Variants in EYA1 observed in about 807,000 individuals in gnomAD.
EYA1 encodes protein phosphatase EYA1.
EYA1 carries 16 observed loss-of-function variants against 82.0 expected under a neutral mutation model. The ratio of observed to expected loss-of-function variants is 0.20; its 90% confidence interval spans 0.13 to 0.30. The LOEUF is 0.30. Among genes scored for constraint, EYA1 ranks in the 10% least tolerant of loss-of-function variants. EYA1 has a pLI of 1.00. For missense variants in EYA1, 633 were observed against 730.7 expected, an observed-to-expected ratio of 0.87 and a Z score of 1.54; for synonymous variants, 261 against 264.4, an observed-to-expected ratio of 0.99 and a Z score of 0.12.
chr8:71,244,635 C>T lies in EYA1; in HGVS notation c.1108G>A (p.Ala370Thr). Residue 370 changes from alanine to threonine, a missense_variant, in exon 12 of 18, where the codon GCA (alanine) becomes ACA (threonine). Transcript: ENST00000340726. ...TCATTAAAAAATAAATGTGTGTCTG[C>T]CAAGTTGAAAATCATTTCTTCCATT... is the stretch of plus-strand genomic sequence containing the variant. ...LRMEEMIFNL[A>T]DTHLFFNDLE... is the part of the protein sequence containing the mutation. 1 of 1,608,968 alleles carries T rather than the reference C, an allele frequency of 6.2e-7. No individual in the cohort carries two copies. The highest frequency in any genetic ancestry group is 8.5e-7 in the Non-Finnish European group (1 of 1,175,944).
intron 2 of EYA1, among the ~76,000 whole-genome samples, chr8:71,442,789 A>G (rs529614697): frequency 1.3e-5 from 2 of 152,352 alleles, no homozygotes; most frequent in South Asian, 4.1e-4. Flanking sequence ...CCAAAATCAC[A>G]GAGTTAATAC....
At chr8:71,343,589 T>C (rs79695824) in intron 3 of EYA1, among the ~76,000 whole-genome samples, 2,502 of 152,246 alleles carry the variant, frequency 0.016, 65 homozygotes, top group African/African-American at 0.056. Context: ...TGGAACTCTA[T>C]AGAGAGTCCC....
intron 12 of EYA1, among the ~76,000 whole-genome samples, chr8:71,233,294 G>T (rs913454562): frequency 1.3e-5 from 2 of 152,038 alleles, no homozygotes; most frequent in East Asian, 3.9e-4. Context: ...GCCGGGTGCG[G>T]TGGCTCATGC....
At chr8:71,351,796 G>A (rs575676451) in intron 3 of EYA1, among the ~76,000 whole-genome samples, 146 of 152,296 alleles carry the variant, frequency 9.6e-4, no homozygotes, top group African/African-American at 3.4e-3. Context: ...TTCTTCAGAT[G>A]AAGTTATGGT....
chr8:71,359,160 T>C (rs1350783539), intron 1 of EYA1, among the ~76,000 whole-genome samples: 1 of 152,198 alleles, frequency 6.6e-6, no homozygotes, highest in Non-Finnish European at 1.5e-5. Flanking sequence ...CAGAACTTCT[T>C]AGAATTCAAA....
intron 2 of EYA1, among the ~76,000 whole-genome samples, chr8:71,483,831 T>C (rs2129215137): frequency 6.6e-6 from 1 of 152,258 alleles, no homozygotes; most frequent in South Asian, 2.1e-4. Flanking sequence ...TCCTTCCGGC[T>C]GAGGAAATGA....
chr8:71,378,454 A>G (rs1828502754), intron 2 of EYA1, among the ~76,000 whole-genome samples: 1 of 152,186 alleles, frequency 6.6e-6, no homozygotes, highest in African/African-American at 2.4e-5. Flanking sequence ...AATGTAGAAT[A>G]TATAAACCAA....
chr8:71,204,607 G>T (rs1367290978), intron 17 of EYA1, among the ~76,000 whole-genome samples: 2 of 152,174 alleles, frequency 1.3e-5, no homozygotes, highest in African/African-American at 4.8e-5. Flanking sequence ...CATTAGAGAT[G>T]CAAAGCTTCA....
chr8:71,370,021 C>T (rs185835817), intron 2 of EYA1, among the ~76,000 whole-genome samples: 1 of 151,786 alleles, frequency 6.6e-6, no homozygotes, highest in African/African-American at 2.4e-5. Context: ...AGAATTAGAA[C>T]AATTCAGTTT....
intron 2 of EYA1, among the ~76,000 whole-genome samples, chr8:71,517,142 C>CT (rs1425177519): frequency 2.6e-5 from 4 of 151,936 alleles, no homozygotes; most frequent in Admixed American, 2.0e-4. Context: ...AACACCCCTT[C>CT]TTAAGTCACC....
In EYA1 at chr8:71,428,620, C is replaced by G. The variant is rs534180674; in HGVS notation, c.34-72109G>C. ...TAGCCAATTCTACCCCACTGGCTGT[C>G]TAGTTACCTCAATCTGAATAAGAAA... On this transcript the variant is annotated intron_variant, in intron 2 of 18. Coordinates refer to the EYA1 transcript ENST00000643681. Among the ~76,000 whole-genome samples, 7 of 152,298 alleles carry G rather than the reference C, an allele frequency of 4.6e-5. No individual in the cohort carries two copies. In the South Asian group the frequency reaches 1.2e-3, roughly 27 times the overall value.
chr8:71,482,995 A>G (rs751407618), intron 2 of EYA1, among the ~76,000 whole-genome samples: 1 of 152,128 alleles, frequency 6.6e-6, no homozygotes, highest in Non-Finnish European at 1.5e-5. Flanking sequence ...CCATGACTGC[A>G]CCTCTGAATT....
intron 2 of EYA1, among the ~76,000 whole-genome samples, chr8:71,455,275 AC>A (rs1315543098): frequency 6.6e-6 from 1 of 152,132 alleles, no homozygotes; most frequent in Non-Finnish European, 1.5e-5. Flanking sequence ...TAGCCTACCA[AC>A]CAAAAAAAAA....
At chr8:71,539,732 G>A (rs1563718323) in intron 1 of EYA1, among the ~76,000 whole-genome samples, 1 of 152,288 alleles carries the variant, frequency 6.6e-6, no homozygotes, top group East Asian at 1.9e-4. Flanking sequence ...TTGTTAGGTA[G>A]CCTCACCTGA....
At chr8:71,387,986 C>G (rs1475736995) in intron 2 of EYA1, among the ~76,000 whole-genome samples, 1 of 152,044 alleles carries the variant, frequency 6.6e-6, no homozygotes, top group Non-Finnish European at 1.5e-5. Context: ...GAAGAAGGGT[C>G]AAGAATAAGC....
chr8:71,489,462 G>A (rs763525060), intron 2 of EYA1, among the ~76,000 whole-genome samples: 2 of 152,108 alleles, frequency 1.3e-5, no homozygotes, highest in Admixed American at 6.5e-5. Flanking sequence ...GCATCATAAT[G>A]TACATACATA....
chr8:71,439,146 T>C (rs1418441414), intron 2 of EYA1, among the ~76,000 whole-genome samples: 2 of 152,154 alleles, frequency 1.3e-5, no homozygotes, highest in African/African-American at 4.8e-5. Context: ...TAAAGCTGAA[T>C]CTCAGAAAGG....
At chr8:71,327,254 T>C (rs940672796) in intron 4 of EYA1, among the ~76,000 whole-genome samples, 3 of 152,228 alleles carry the variant, frequency 2.0e-5, no homozygotes, top group African/African-American at 7.2e-5. Context: ...CAATAAATAA[T>C]TGTTGAATGA....
intron 2 of EYA1, among the ~76,000 whole-genome samples, chr8:71,388,800 TAGTC>T (rs769641192): frequency 6.6e-6 from 1 of 152,102 alleles, no homozygotes; most frequent in African/African-American, 2.4e-5. Flanking sequence ...ATAATAGTGA[TAGTC>T]AGAATCAGCT....
Sources: allele counts gnomAD v4.1 joint callset (sites outside exome capture counted in the v4.1 genomes callset), GRCh38; gene constraint gnomAD v4.1.1; transcripts MANE v1.5; gene names NCBI Gene and HGNC (gene_info 2026-07-23, HGNC 2026-07-21).